Variants in PLS1 observed in about 807,000 individuals in gnomAD.
PLS1 encodes the protein plastin-1.
PLS1 carries 32 observed loss-of-function variants against 73.7 expected under a neutral mutation model. The ratio of observed to expected loss-of-function variants is 0.43; its 90% CI spans 0.33 to 0.58. PLS1 has a LOEUF of 0.58. Among genes scored for constraint, PLS1 ranks in the 20% least tolerant of loss-of-function variants. PLS1 has a pLI of 0.04. For synonymous variants in PLS1, 217 were observed against 261.3 expected (o/e 0.83, Z 1.63); for missense variants, 633 against 740.5 (o/e 0.85, Z 1.68).
chr3:142,658,026 C>G (rs923668413), intron 1 of PLS1, among the ~76,000 whole-genome samples: 4 of 151,838 alleles, frequency 2.6e-5, no homozygotes, highest in African/African-American at 9.7e-5. Context: ...AAGAAGCATC[C>G]TTTTTTCTCT....
Position 142,634,130 on chromosome 3 carries a change from G to A in PLS1, c.-36-30072G>A, listed in dbSNP as rs2036626082. On this transcript the variant is annotated intron_variant, in intron 1 of 15. Transcript: ENST00000457734. ...CATAACAATGGAAGCTGTCTAAAAT[G>A]CAGCAAAAAGGAAAGAACTACAAAA... 3.3e-5 allele frequency among the ~76,000 whole-genome samples: 5 copies of A among 152,272 alleles called. No individual in the cohort carries two copies. The Middle Eastern group carries it at 0.017, about 518-fold the overall frequency.
intron 6 of PLS1, among the ~76,000 whole-genome samples, chr3:142,681,936 C>T (rs1290329950): frequency 6.6e-6 from 1 of 152,194 alleles, no homozygotes; most frequent in East Asian, 1.9e-4. Flanking sequence ...GTAAAGCAAA[C>T]ATCTTTGATA....
At chr3:142,622,859 T>G (rs67594010) in intron 1 of PLS1, among the ~76,000 whole-genome samples, 25,072 of 152,176 alleles carry the variant, frequency 0.16, 2,252 homozygotes, top group East Asian at 0.2. Flanking sequence ...TGTTAGGGTT[T>G]GTTTGTTTGT....
At chr3:142,675,683 C>T (rs973109705) in intron 4 of PLS1, among the ~76,000 whole-genome samples, 6 of 150,332 alleles carry the variant, frequency 4.0e-5, no homozygotes, top group East Asian at 1.9e-4. Context: ...CCGTGCTCCC[C>T]GTTTTTTTTT....
intron 13 of PLS1, 23 bp from the exon 14 acceptor site, chr3:142,704,440 A>G (rs1326258133): frequency 1.9e-6 from 3 of 1,585,886 alleles, no homozygotes; most frequent in African/African-American, 1.4e-5. Context: ...TTCAGTCTCA[A>G]ATATACATCT....
At position 142,704,513 on chromosome 3, in the gene PLS1, A is replaced by G. The variant is rs1433873858; in HGVS notation, c.1556A>G (p.Asp519Gly). Reference protein sequence around the residue: ...SDLGEGEKVNDEIIIKWVNQT... With the variant: ...SDLGEGEKVNGEIIIKWVNQT... ...CTTGGAGAGGGTGAAAAAGTAAATG[A>G]TGAAATTATAATTAAATGGGTCAAT... The change falls in exon 14 of 16, where the codon GAT (aspartate) becomes GGT (glycine). Residue 519 changes from aspartate (D) to glycine (G), a missense_variant. By Grantham distance (94) the Asp-to-Gly change is moderately conservative. Transcript: ENST00000457734. 6.3e-7 allele frequency: 1 copy of G among 1,597,152 alleles called. No homozygotes were observed. Among genetic ancestry groups the G allele is most frequent in the East Asian group, 2.2e-5 (1 of 44,608 alleles).
intron 1 of PLS1, among the ~76,000 whole-genome samples, chr3:142,632,309 A>ATGAC (rs2036583190): frequency 6.6e-6 from 1 of 152,214 alleles, no homozygotes; most frequent in Admixed American, 6.5e-5. Flanking sequence ...AGGATATAAC[A>ATGAC]TGACTGTAAG....
intron 1 of PLS1, among the ~76,000 whole-genome samples, chr3:142,641,845 G>T (rs2036848721): frequency 6.6e-6 from 1 of 151,982 alleles, no homozygotes; most frequent in Non-Finnish European, 1.5e-5. Flanking sequence ...TTTCTCCTGG[G>T]TGCCTTTTTG....
At chr3:142,613,659 G>A (rs1291913402) in intron 1 of PLS1, among the ~76,000 whole-genome samples, 1 of 152,178 alleles carries the variant, frequency 6.6e-6, no homozygotes, top group Non-Finnish European at 1.5e-5. Flanking sequence ...ACCCACACTT[G>A]TGCCACCCTG....
chr3:142,692,830 A>G (rs2038114145), intron 10 of PLS1, among the ~76,000 whole-genome samples: 1 of 152,042 alleles, frequency 6.6e-6, no homozygotes, highest in South Asian at 2.1e-4. Flanking sequence ...TTCTGTAACT[A>G]TTAGAAACAT....
At chr3:142,631,401 G>A (rs1423749365) in intron 1 of PLS1, among the ~76,000 whole-genome samples, 4 of 151,770 alleles carry the variant, frequency 2.6e-5, no homozygotes, top group African/African-American at 4.8e-5. Context: ...TAGGAAAATC[G>A]TTTGAACCTG....
chr3:142,653,900 A>G (rs889179662), intron 1 of PLS1, among the ~76,000 whole-genome samples: 1 of 152,182 alleles, frequency 6.6e-6, no homozygotes, highest in Non-Finnish European at 1.5e-5. Flanking sequence ...TAAGCACTAT[A>G]TTGTATGAGT....
chr3:142,623,565 A>G (rs912069912), intron 1 of PLS1: 13 of 152,232 alleles, frequency 8.5e-5, no homozygotes, highest in Non-Finnish European at 1.6e-4. Flanking sequence ...AGAAGCAGGT[A>G]TACAAAAATT....
At chr3:142,683,734 C>G (rs1268983072) in intron 6 of PLS1, among the ~76,000 whole-genome samples, 1 of 152,046 alleles carries the variant, frequency 6.6e-6, no homozygotes. Flanking sequence ...GCAGAACATC[C>G]AGGTAGACAT....
At chr3:142,623,034 CTACAGCCTTGTA>C (rs2036346517) in intron 1 of PLS1, among the ~76,000 whole-genome samples, 2 of 152,130 alleles carry the variant, frequency 1.3e-5, no homozygotes, top group Non-Finnish European at 2.9e-5. Context: ...TCATAGCACG[CTACAGCCTTGTA>C]CTCCTGGGCT....
At chr3:142,624,227 G>A (rs758755141) in intron 1 of PLS1, among the ~76,000 whole-genome samples, 1 of 152,118 alleles carries the variant, frequency 6.6e-6, no homozygotes, top group Non-Finnish European at 1.5e-5. Flanking sequence ...GTACCAAAAT[G>A]TACTTGGGGA....
chr3:142,620,416 C>T (rs976865449), intron 1 of PLS1, among the ~76,000 whole-genome samples: 16 of 152,028 alleles, frequency 1.1e-4, no homozygotes, highest in African/African-American at 3.4e-4. Flanking sequence ...CGTGAGCCAC[C>T]GTGCCAAGCC....
At chr3:142,660,603 T>C (rs2037349145) in intron 1 of PLS1, among the ~76,000 whole-genome samples, 1 of 152,242 alleles carries the variant, frequency 6.6e-6, no homozygotes, top group Admixed American at 6.5e-5. Flanking sequence ...CTGCTGACTG[T>C]GTGTAACTTC....
At chr3:142,703,257 T>C (rs1328776109) in intron 12 of PLS1, among the ~76,000 whole-genome samples, 1 of 151,910 alleles carries the variant, frequency 6.6e-6, no homozygotes, top group South Asian at 2.1e-4. Flanking sequence ...ACATGTGCCA[T>C]TAATAAGCTA....
Sources: allele counts gnomAD v4.1 joint callset (sites outside exome capture counted in the v4.1 genomes callset), GRCh38; gene constraint gnomAD v4.1.1; transcripts MANE v1.5; gene names NCBI Gene and HGNC (gene_info 2026-07-23, HGNC 2026-07-21).